FCN2: variants seen among roughly 807,000 people sequenced by gnomAD.
FCN2 encodes the protein ficolin-2.
Under a neutral mutation model 32.5 loss-of-function variants are expected in FCN2, and 31 were observed. That is an observed-to-expected ratio of 0.96 (90% CI 0.72 to 1.29). The LOEUF (loss-of-function observed/expected upper bound fraction) is 1.29. FCN2 is among the 50% of genes most tolerant of loss of function. The pLI is 0.00. For synonymous variants in FCN2, 181 were observed against 164.5 expected, an observed-to-expected ratio of 1.10 and a Z score of -0.77; for missense variants, 412 against 406.5, an observed-to-expected ratio of 1.01 and a Z score of -0.12.
At chr9:134,870,179 C>T in the FCN2 span, among the ~76,000 whole-genome samples, 1 of 152,186 alleles carries the variant, frequency 6.6e-6, no homozygotes, top group Non-Finnish European at 1.5e-5. This position sits in a 1 kb window ranked among gnomAD's most constrained non-coding sequence, Gnocchi z 4.3. Context: ...ACACTGGATG[C>T]CGGTTTCCCC....
the FCN2 span, among the ~76,000 whole-genome samples, chr9:134,874,074 G>A: frequency 6.6e-6 from 1 of 151,872 alleles, no homozygotes; most frequent in East Asian, 1.9e-4. Flanking sequence ...GCCACCACAC[G>A]CGGCTAATTT....
chr9:134,867,335 T>C, the FCN2 span, among the ~76,000 whole-genome samples: 18 of 151,892 alleles, frequency 1.2e-4, no homozygotes, highest in Admixed American at 3.9e-4. Context: ...TTCACAACCT[T>C]TGTAGGGACA....
the FCN2 span, among the ~76,000 whole-genome samples, chr9:134,870,375 G>A: frequency 1.3e-5 from 2 of 152,146 alleles, no homozygotes; most frequent in African/African-American, 2.4e-5. The surrounding 1 kb of genome is among the most constrained non-coding windows in gnomAD (Gnocchi z 4.3). Context: ...GGCATGGCAA[G>A]GGCCAGGGGG....
chr9:134,883,883 CA>C (rs1830704644), intron 3 of FCN2, among the ~76,000 whole-genome samples: 1 of 140,542 alleles, frequency 7.1e-6, no homozygotes, highest in African/African-American at 2.7e-5. Context: ...GGGGGGTTCT[CA>C]GGTAGGGGAA....
At chr9:134,865,812 G>A in the FCN2 span, among the ~76,000 whole-genome samples, 5 of 152,202 alleles carry the variant, frequency 3.3e-5, no homozygotes, top group African/African-American at 7.2e-5. Flanking sequence ...AAATCAATGT[G>A]CAAAAATCAC....
chr9:134,872,384 T>C, the FCN2 span, among the ~76,000 whole-genome samples: 40 of 152,232 alleles, frequency 2.6e-4, no homozygotes, highest in Admixed American at 2.6e-3. Flanking sequence ...CAGGCTGCTA[T>C]GAATCTCTGT....
upstream of FCN2, among the ~76,000 whole-genome samples, chr9:134,878,870 G>C (rs1374312314): frequency 1.3e-5 from 2 of 152,074 alleles, no homozygotes; most frequent in African/African-American, 4.8e-5. Context: ...TTTAAAAGCT[G>C]CATTCTGCCT....
the FCN2 span, among the ~76,000 whole-genome samples, chr9:134,870,361 C>G: frequency 6.6e-6 from 1 of 152,064 alleles, no homozygotes; most frequent in African/African-American, 2.4e-5. The surrounding 1 kb of genome is among the most constrained non-coding windows in gnomAD (Gnocchi z 4.3). Flanking sequence ...CGAGTGTAGA[C>G]CTGGGCATGG....
chr9:134,886,540 G>C lies in FCN2; in HGVS notation c.670G>C (p.Gly224Arg), dbSNP rs1203254231. 1.1e-5 allele frequency: 18 copies of C among 1,614,124 alleles called. No individual in the cohort carries two copies. The highest frequency in any genetic ancestry group is 1.5e-5 in the Non-Finnish European group (18 of 1,180,020). Residue 224 changes from glycine (G) to arginine (R), a missense_variant, in exon 7 of 8, where the codon GGG (glycine) becomes CGG (arginine). By Grantham distance (125) the Gly-to-Arg change is moderately radical (BLOSUM62 -2). Transcript: ENST00000291744. Reference protein sequence around the residue: ...DEAEKYNLVLGAFVEGSAGDS... With the variant: ...DEAEKYNLVLRAFVEGSAGDS... ...GGCGGAGAAGTACAATCTGGTCCTG[G>C]GGGCCTTCGTGGAGGGCAGTGCGGG... is the stretch of plus-strand genomic sequence containing the variant.
chr9:134,885,658 G>A (rs12684512), intron 5 of FCN2, 110 bp from the exon 6 acceptor site: 170,240 of 1,470,876 alleles, frequency 0.12, 10,460 homozygotes, highest in African/African-American at 0.18. Flanking sequence ...TGGTGACCCC[G>A]CCTGTGATGC....
intron 3 of FCN2, 88 bp downstream of exon 3, chr9:134,883,443 C>T (rs1179828743): frequency 4.1e-6 from 5 of 1,221,658 alleles, no homozygotes; most frequent in Non-Finnish European, 6.0e-6. Flanking sequence ...CTGGGGCTGC[C>T]ACGCTGTCCT....
At chr9:134,877,614 T>G (rs747573835), upstream of FCN2, among the ~76,000 whole-genome samples, 1 of 152,234 alleles carries the variant, frequency 6.6e-6, no homozygotes, top group Non-Finnish European at 1.5e-5. Flanking sequence ...AAGCCACTGC[T>G]GTCTGCTACA....
the FCN2 span, among the ~76,000 whole-genome samples, chr9:134,871,792 G>A: frequency 6.6e-6 from 1 of 152,202 alleles, no homozygotes; most frequent in Non-Finnish European, 1.5e-5. Flanking sequence ...CTAGAGGGGT[G>A]TACTTGACAT....
chr9:134,878,516 G>A (rs532968515), upstream of FCN2, among the ~76,000 whole-genome samples: 2 of 152,258 alleles, frequency 1.3e-5, no homozygotes, highest in East Asian at 1.9e-4. Flanking sequence ...TTTCTAAAAC[G>A]AATTCAAATT....
the FCN2 span, among the ~76,000 whole-genome samples, chr9:134,873,428 A>G: frequency 6.6e-6 from 1 of 152,108 alleles, no homozygotes; most frequent in East Asian, 1.9e-4. Flanking sequence ...ATCTGCAAAG[A>G]GTATGTCTCC....
chr9:134,869,717 G>GGGACC, the FCN2 span, among the ~76,000 whole-genome samples: 1 of 152,210 alleles, frequency 6.6e-6, no homozygotes, highest in Non-Finnish European at 1.5e-5. Context: ...GTGACCTGCA[G>GGGACC]GGACCCATAA....
chr9:134,887,252 T>C lies in FCN2; in HGVS notation c.779T>C (p.Met260Thr). 2 of 1,614,220 alleles carry C rather than the reference T, an allele frequency of 1.2e-6. No homozygotes were observed. Among genetic ancestry groups the C allele is most frequent in the Non-Finnish European group, 1.7e-6 (2 of 1,180,032 alleles). ...NDLNTGNCAV[M>T]FQGAWWYKNC... ...CTTAACACCGGAAATTGTGCTGTGATGTTTCAGGGAGCTTGGTGGTACAAA... is the reference window on the plus strand; with the variant it reads ...CTTAACACCGGAAATTGTGCTGTGACGTTTCAGGGAGCTTGGTGGTACAAA... Residue 260 changes from methionine (M) to threonine (T), a missense_variant, in exon 8 of 8, where the codon ATG (methionine) becomes ACG (threonine). Transcript: ENST00000291744.
rs376079517 is a variant in FCN2 at position 134,883,359 on chromosome 9, A to T, written c.268+4A>T. On this transcript the variant is annotated splice_donor_region_variant and intron_variant, in intron 3 of 7. Coordinates refer to ENST00000291744, the MANE Select transcript of FCN2 (RefSeq NM_004108.3). ...GCAGGACCACCTGGGCCCAACGGTA[A>T]GGAGGGGACAAGAGTGAGAAGCGGC... 9.3e-6 allele frequency: 15 copies of T among 1,612,812 alleles called. No homozygotes were observed. In the African/African-American group the frequency reaches 1.7e-4, roughly 19 times the overall value.
At chr9:134,887,108 C>A in intron 7 of FCN2, 60 bp from the exon 8 acceptor site, 1 of 1,601,240 alleles carries the variant, frequency 6.2e-7, no homozygotes, top group African/African-American at 1.3e-5. Context: ...GGTATAAAGA[C>A]TTATACTGTC....
Sources: allele counts gnomAD v4.1 joint callset (sites outside exome capture counted in the v4.1 genomes callset), GRCh38; gene constraint gnomAD v4.1.1; non-coding constraint Gnocchi (gnomAD v3.1); transcripts MANE v1.5; gene names NCBI Gene and HGNC (gene_info 2026-07-23, HGNC 2026-07-21).